PTCSC3: variants seen among roughly 807,000 people sequenced by gnomAD.
The protein encoded by PTCSC3 is papillary thyroid carcinoma susceptibility candidate 3, also known as papillary thyroid carcinoma susceptibility candidate 3 (non-protein coding).
upstream of PTCSC3, chr14:36,176,472 A>G (rs1214630922): frequency 6.6e-6 from 1 of 151,842 alleles, no homozygotes; most frequent in Non-Finnish European, 1.5e-5. Flanking sequence ...CTCTTTCTCT[A>G]TTCCTCTTTC....
intron 1 of PTCSC3, chr14:36,162,811 C>T (rs1171251088): frequency 6.6e-6 from 1 of 152,116 alleles, no homozygotes; most frequent in Non-Finnish European, 1.5e-5. Flanking sequence ...ATTTTCAAAA[C>T]CTTGCCATGA....
intron 1 of PTCSC3, among the ~76,000 whole-genome samples, chr14:36,173,416 T>C (rs971834452): frequency 6.6e-6 from 1 of 152,144 alleles, no homozygotes; most frequent in Non-Finnish European, 1.5e-5. Flanking sequence ...GCTCTGAGAC[T>C]AGACTCTGAG....
intron 2 of PTCSC3, among the ~76,000 whole-genome samples, chr14:36,156,542 C>T (rs1881830337): frequency 6.6e-6 from 1 of 152,130 alleles, no homozygotes; most frequent in Non-Finnish European, 1.5e-5. Context: ...AGGTATTTCT[C>T]CTAATAGTAT....
intron 3 of PTCSC3, among the ~76,000 whole-genome samples, chr14:36,137,008 A>C (rs1484692368): frequency 4.6e-5 from 7 of 152,214 alleles, no homozygotes; most frequent in Non-Finnish European, 1.0e-4. Flanking sequence ...AGGGGAAGAC[A>C]AGAAAGTTAC....
chr14:36,164,506 T>G (rs769745734), intron 1 of PTCSC3, among the ~76,000 whole-genome samples: 4 of 152,238 alleles, frequency 2.6e-5, no homozygotes, highest in Admixed American at 6.5e-5. Flanking sequence ...AACTGCACTT[T>G]AAAAACCAGT....
At chr14:36,144,023 T>C (rs1881493840) in intron 3 of PTCSC3, among the ~76,000 whole-genome samples, 1 of 152,206 alleles carries the variant, frequency 6.6e-6, no homozygotes, top group Non-Finnish European at 1.5e-5. Flanking sequence ...TCTATATATC[T>C]GTTTTGGTAC....
chr14:36,158,252 TC>T (rs1881873747), intron 2 of PTCSC3, among the ~76,000 whole-genome samples: 1 of 152,228 alleles, frequency 6.6e-6, no homozygotes, highest in African/African-American at 2.4e-5. Context: ...TATTTCTTTT[TC>T]TTGCCTGATT....
intron 1 of PTCSC3, among the ~76,000 whole-genome samples, chr14:36,172,842 C>T (rs1882213515): frequency 6.6e-6 from 1 of 152,090 alleles, no homozygotes; most frequent in Non-Finnish European, 1.5e-5. Flanking sequence ...CCTCCCAGCC[C>T]TCTGAATTTA....
At chr14:36,135,905 GTGTGTGTGTGTATA>G (rs1171103597), downstream of PTCSC3, among the ~76,000 whole-genome samples, 24 of 150,386 alleles carry the variant, frequency 1.6e-4, no homozygotes, top group African/African-American at 4.1e-4. Flanking sequence ...ATATATGTGT[GTGTGTGTGTGTATA>G]TGTGTGTGTG....
At chr14:36,152,719 C>A (rs1881749209) in intron 3 of PTCSC3, among the ~76,000 whole-genome samples, 1 of 151,774 alleles carries the variant, frequency 6.6e-6, no homozygotes, top group East Asian at 1.9e-4. Flanking sequence ...CAAGGTGAAA[C>A]CCTTTCTCTA....
intron 1 of PTCSC3, among the ~76,000 whole-genome samples, chr14:36,162,944 A>G (rs1042298070): frequency 9.9e-5 from 15 of 152,194 alleles, no homozygotes; most frequent in Admixed American, 3.3e-4. Flanking sequence ...AAATTTCCAT[A>G]AAAACAAAAA....
At chr14:36,147,655 C>T (rs1289284558) in intron 3 of PTCSC3, among the ~76,000 whole-genome samples, 3 of 151,926 alleles carry the variant, frequency 2.0e-5, no homozygotes, top group Non-Finnish European at 4.4e-5. Flanking sequence ...GCCTTCTTCT[C>T]TCAGCTCGTC....
rs192540738 is a variant in PTCSC3, at chr14:36,159,349, T to C, written n.231+3275A>G. 1.7e-3 allele frequency among the ~76,000 whole-genome samples: 254 copies of C among 152,300 alleles called. 1 individual carries two copies. Among genetic ancestry groups the C allele is most frequent in the African/African-American group, 5.9e-3 (244 of 41,566 alleles). The stretch of plus-strand genomic sequence containing the variant: ...TTTAATTGTGATGTTAGGGTGTTGA[T>C]TTTAGATCTTTCCTGCTTTCTCTTG... On this transcript the variant is annotated intron_variant and non_coding_transcript_variant, in intron 2 of 3. Coordinates refer to ENST00000556013, the Ensembl canonical transcript of PTCSC3.
chr14:36,156,163 G>A (rs544769942), intron 2 of PTCSC3, among the ~76,000 whole-genome samples: 4 of 152,332 alleles, frequency 2.6e-5, no homozygotes, highest in South Asian at 2.1e-4. Flanking sequence ...ATCACCGTAC[G>A]TCTCTGCTCA....
chr14:36,147,211 C>T (rs1338603327), intron 3 of PTCSC3, among the ~76,000 whole-genome samples: 1 of 152,160 alleles, frequency 6.6e-6, no homozygotes. Context: ...TGTTGGCCTG[C>T]CTTGCTAGAT....
At chr14:36,153,188 T>C (rs1490707727) in intron 3 of PTCSC3, among the ~76,000 whole-genome samples, 1 of 152,198 alleles carries the variant, frequency 6.6e-6, no homozygotes, top group East Asian at 1.9e-4. Flanking sequence ...CTCCCTCGTC[T>C]CTTCTTATAA....
In PTCSC3 at chr14:36,154,051, A is replaced by G. The variant is rs1297883257; in HGVS notation, n.232-157T>C. On this transcript the variant is annotated intron_variant and non_coding_transcript_variant, in intron 2 of 3. Coordinates refer to ENST00000556013, the Ensembl canonical transcript of PTCSC3. ...CACTGCACTCCAGCCTGGGTGACACAGTGGGACCCTGTCTCGAAAAAAAAA... is the reference window on the plus strand; with the variant it reads ...CACTGCACTCCAGCCTGGGTGACACGGTGGGACCCTGTCTCGAAAAAAAAA... 2.2e-5 allele frequency among the ~76,000 whole-genome samples: 3 copies of G among 139,160 alleles called. No homozygotes were observed. The Admixed American group carries it at 2.2e-4, about 10-fold the overall frequency. 91.3% of individuals were successfully genotyped at this position (139,160 alleles called of 152,430 possible).
intron 2 of PTCSC3, among the ~76,000 whole-genome samples, chr14:36,161,822 C>T (rs1273514382): frequency 6.6e-6 from 1 of 152,194 alleles, no homozygotes; most frequent in Non-Finnish European, 1.5e-5. Flanking sequence ...GTTGCACCCG[C>T]AACCACCCCT....
chr14:36,162,662 T>A (rs949579355), exon 2 of PTCSC3: 6 of 152,318 alleles, frequency 3.9e-5, no homozygotes, highest in African/African-American at 1.4e-4. Context: ...AGACTGGAGC[T>A]GCTCCTATTC....
Sources: allele counts gnomAD v4.1 joint callset (sites outside exome capture counted in the v4.1 genomes callset), GRCh38; gene constraint gnomAD v4.1.1; transcripts MANE v1.5; gene names NCBI Gene and HGNC (gene_info 2026-07-23, HGNC 2026-07-21).